RNF43: variants seen among roughly 807,000 people sequenced by gnomAD.
The protein encoded by RNF43 is ring finger protein 43.
A neutral mutation model predicts 78.4 loss-of-function variants in RNF43; 37 were observed. The ratio of observed to expected loss-of-function variants is 0.47; its 90% CI spans 0.36 to 0.62. The LOEUF (loss-of-function observed/expected upper bound fraction) is 0.62. RNF43 is among the 20% of genes least tolerant of loss of function. RNF43 has a pLI of 0.00. For missense variants in RNF43, 774 were observed against 1,007.9 expected, an observed-to-expected ratio of 0.77 and a Z score of 3.14; for synonymous variants, 347 against 395.0, an observed-to-expected ratio of 0.88 and a Z score of 1.44.
intron 2 of RNF43, among the ~76,000 whole-genome samples, chr17:58,399,043 G>A (rs964231205): frequency 6.6e-6 from 1 of 152,182 alleles, no homozygotes; most frequent in African/African-American, 2.4e-5. Flanking sequence ...CTCCCACTGT[G>A]TTGTACTGGT....
rs910890970 is a variant in RNF43, at chr17:58,391,541, C to G, written c.253-20508G>C. 1.3e-5 allele frequency among the ~76,000 whole-genome samples: 2 copies of G among 152,206 alleles called. 1 individual carries two copies. Among genetic ancestry groups the G allele is most frequent in the South Asian group, 4.1e-4 (2 of 4,824 alleles). ...CCAGTCACCACAGTGGGGGCCAACG[C>G]TGGACGCCCTGGCTTCTGAGCAAGA... On this transcript the variant is annotated intron_variant, in intron 2 of 9. Coordinates refer to ENST00000407977, the MANE Select transcript of RNF43 (RefSeq NM_017763.6).
Position 58,415,680 on chromosome 17 carries a change from A to G in RNF43, c.-103T>C, listed in dbSNP as rs1372923313. 2 of 1,364,154 alleles carry G rather than the reference A, an allele frequency of 1.5e-6. No individual in the cohort carries two copies. Among genetic ancestry groups the G allele is most frequent in the Non-Finnish European group, 2.0e-6 (2 of 1,007,086 alleles). 84.5% of individuals were successfully genotyped at this position (1,364,154 alleles called of 1,614,324 possible). A position where few individuals can be genotyped will look rare whatever the true frequency, so the allele number is the denominator to read the frequency against. On this transcript the variant is annotated 5_prime_UTR_variant, in exon 2 of 10. Transcript: ENST00000407977. ...AGACAAATGGAGGAAAAGAACATTT[A>G]TGCTTCCGTTTCAGAAAGCCAAGTC... is the stretch of plus-strand genomic sequence containing the variant.
At position 58,360,753 on chromosome 17, in the gene RNF43, C is replaced by A. The variant is rs1972817986; in HGVS notation, c.849+30G>T. On this transcript the variant is annotated intron_variant, in intron 7 of 9. Transcript: ENST00000407977. The surrounding 1 kb of genome is among the most constrained non-coding windows in gnomAD (Gnocchi z 4.3). ...CCAGCTTCAATCTCCCCAGTCTGGT[C>A]ATGGAGGTGAACCACAAGACCTGCC... The A allele has an allele frequency of 1.3e-6, 2 of 1,589,244 alleles. No homozygotes were observed. The highest frequency in any genetic ancestry group is 2.3e-5 in the South Asian group (2 of 87,062).
chr17:58,355,049 C>A, intron 9 of RNF43, 63 bp from the exon 10 acceptor site: 1 of 1,409,418 alleles, frequency 7.1e-7, no homozygotes, highest in Non-Finnish European at 1.0e-6. Context: ...CTGCTTCTCT[C>A]GCCTGCAGCA....
At chr17:58,381,657 CATCCTCTGAAT>C (rs1243818485) in intron 2 of RNF43, among the ~76,000 whole-genome samples, 1 of 152,174 alleles carries the variant, frequency 6.6e-6, no homozygotes, top group Non-Finnish European at 1.5e-5. Context: ...CTGGTATTTC[CATCCTCTGAAT>C]ATTTTAGAAA....
At position 58,357,747 on chromosome 17, in the gene RNF43, C is replaced by T. The variant is rs1598125957; in HGVS notation, c.2029G>A (p.Ala677Thr). 2 of 1,612,544 alleles carry T rather than the reference C, an allele frequency of 1.2e-6. No homozygotes were observed. The highest frequency in any genetic ancestry group is 1.3e-5 in the African/African-American group (1 of 75,010). The change falls in exon 9 of 10, where the codon GCT becomes ACT. Residue 677 changes from alanine (A) to threonine (T), a missense_variant. By Grantham distance (58) the Ala-to-Thr change is moderately conservative. Coordinates refer to ENST00000407977, the MANE Select transcript of RNF43 (RefSeq NM_017763.6). This position sits in a 1 kb window ranked among gnomAD's most constrained non-coding sequence, Gnocchi z 4.5. ...SRPQDATVHP[A>T]CQIFPHYTPS... ...GTGTAATGGGGAAAAATCTGGCAAGCTGGGTGCACAGTTGCATCCTGGGGC... is the reference window on the plus strand; with the variant it reads ...GTGTAATGGGGAAAAATCTGGCAAGTTGGGTGCACAGTTGCATCCTGGGGC...
chr17:58,358,077 T>G lies in RNF43; in HGVS notation c.1699A>C (p.Arg567=). The change falls in exon 9 of 10, where the codon AGG becomes CGG. Residue 567 remains arginine (R), a synonymous_variant. Coordinates refer to ENST00000407977, the MANE Select transcript of RNF43 (RefSeq NM_017763.6). This position sits in a 1 kb window ranked among gnomAD's most constrained non-coding sequence, Gnocchi z 6.2. ...ACTCCGGTTTCTGGGCCAGGCTTCC[T>G]GCCATGCCACTGGAACCGCTTTTTG... The part of the protein sequence containing the change: ...HYKKRFQWHG[R]KPGPETGVPQ... 1 of 1,601,662 alleles carries G rather than the reference T, an allele frequency of 6.2e-7. No individual in the cohort carries two copies. The highest frequency in any genetic ancestry group is 8.5e-7 in the Non-Finnish European group (1 of 1,173,788).
intron 2 of RNF43, among the ~76,000 whole-genome samples, chr17:58,392,092 G>A (rs1973572617): frequency 6.6e-6 from 1 of 152,198 alleles, no homozygotes; most frequent in Admixed American, 6.5e-5. Context: ...TTATTATGGG[G>A]CAGTTATCAG....
chr17:58,400,205 A>T (rs1406466449), intron 2 of RNF43, among the ~76,000 whole-genome samples: 1 of 152,210 alleles, frequency 6.6e-6, no homozygotes, highest in Non-Finnish European at 1.5e-5. Context: ...CAGAACTCAC[A>T]TACTATTAGT....
Position 58,355,001 on chromosome 17 carries a change from C to G in RNF43, c.2309-15G>C, listed in dbSNP as rs2158460. The G allele has an allele frequency of 0.17, 269,923 of 1,609,502 alleles. 23,599 individuals are homozygous for G. Among genetic ancestry groups the G allele is most frequent in the East Asian group, 0.21 (9,568 of 44,848 alleles). ...CTCCTCTGAGCCTGTATTTAGAGAGCGGGGAGGAAAGAGGTCATTGAGGGT... is the reference window on the plus strand; with the variant it reads ...CTCCTCTGAGCCTGTATTTAGAGAGGGGGGAGGAAAGAGGTCATTGAGGGT... On this transcript the variant is annotated splice_polypyrimidine_tract_variant and intron_variant, in intron 9 of 9. Coordinates refer to ENST00000407977, the MANE Select transcript of RNF43 (RefSeq NM_017763.6).
At position 58,358,584 on chromosome 17, in the gene RNF43, C is replaced by T. The variant is rs760806622; in HGVS notation, c.1192G>A (p.Ala398Thr). 4.4e-6 allele frequency: 7 copies of T among 1,594,128 alleles called. No individual in the cohort carries two copies. In the South Asian group the frequency reaches 8.0e-5, roughly 18 times the overall value. ...GCCAGGCGCTGCTGCTCTCCTGGAG[C>T]CCGGGGATGTGCAGCTCTGGGGAAG... ...HRFPRAAHPR[A>T]PGEQQRLAGA... Residue 398 changes from alanine to threonine, a missense_variant, in exon 9 of 10, where the codon GCT (alanine) becomes ACT (threonine). Physicochemically the swap from Ala to Thr is moderately conservative, Grantham distance 58. Transcript: ENST00000407977. This position sits in a 1 kb window ranked among gnomAD's most constrained non-coding sequence, Gnocchi z 6.2.
At chr17:58,399,158 G>A (rs1200463557) in intron 2 of RNF43, among the ~76,000 whole-genome samples, 2 of 152,118 alleles carry the variant, frequency 1.3e-5, no homozygotes, top group Non-Finnish European at 2.9e-5. Context: ...TCATAACAGG[G>A]AACAGGTAAG....
At chr17:58,414,938 C>A (rs1974093734) in intron 2 of RNF43, among the ~76,000 whole-genome samples, 1 of 152,142 alleles carries the variant, frequency 6.6e-6, no homozygotes, top group South Asian at 2.1e-4. Context: ...TTAAAATCAA[C>A]CTTCTTAGTG....
intron 2 of RNF43, among the ~76,000 whole-genome samples, chr17:58,380,548 C>G (rs2143559003): frequency 6.6e-6 from 1 of 152,278 alleles, no homozygotes; most frequent in Admixed American, 6.5e-5. Flanking sequence ...ATCTGAAAAC[C>G]TACTAGAATC....
intron 3 of RNF43, among the ~76,000 whole-genome samples, chr17:58,364,630 A>G (rs182314297): frequency 5.9e-5 from 9 of 152,282 alleles, no homozygotes; most frequent in Admixed American, 2.0e-4. Context: ...CTTCCTCCCT[A>G]GGGCAAAGGT....
intron 2 of RNF43, among the ~76,000 whole-genome samples, chr17:58,389,975 C>T (rs1471524341): frequency 2.0e-5 from 3 of 152,166 alleles, no homozygotes; most frequent in Admixed American, 6.6e-5. Flanking sequence ...AAGTATTACT[C>T]GTCTTAGATG....
chr17:58,358,738 G>A lies in RNF43; in HGVS notation c.1038C>T (p.Pro346=), dbSNP rs1972764369. Residue 346 remains proline, a synonymous_variant, in exon 9 of 10, where the codon CCC becomes CCT. Coordinates refer to ENST00000407977, the MANE Select transcript of RNF43 (RefSeq NM_017763.6). The surrounding 1 kb of genome is among the most constrained non-coding windows in gnomAD (Gnocchi z 6.2). The part of the protein sequence containing the change: ...GRRLHLIRQH[P]GHAHYHLPAA... ...CAGGGAGGTGGTAGTGGGCATGGCC[G>A]GGATGCTGGCGAATGAGGTGGAGTC... 13 of 1,560,688 alleles carry A rather than the reference G, an allele frequency of 8.3e-6. No homozygotes were observed. The highest frequency in any genetic ancestry group is 1.4e-5 in the African/African-American group (1 of 73,514).
chr17:58,372,169 T>C (rs1201123837), intron 2 of RNF43, among the ~76,000 whole-genome samples: 1 of 152,200 alleles, frequency 6.6e-6, no homozygotes, highest in Non-Finnish European at 1.5e-5. Flanking sequence ...TTTATAAAGA[T>C]GTTTATGAAG....
chr17:58,354,065 G>C lies in RNF43; in HGVS notation c.*878C>G, dbSNP rs1271196553. ...AAGGGTCACACTTTGCTTTTCCTTT[G>C]TTGTCCCCATTTTCCATCCTTGCTC... is the stretch of plus-strand genomic sequence containing the variant. On this transcript the variant is annotated 3_prime_UTR_variant, in exon 10 of 10. Transcript: ENST00000407977. 1 of 193,952 alleles carries C rather than the reference G, an allele frequency of 5.2e-6. No individual in the cohort carries two copies. The highest frequency in any genetic ancestry group is 2.3e-5 in the African/African-American group (1 of 43,096). 12.0% of individuals were successfully genotyped at this position (193,952 alleles called of 1,614,324 possible). A position where few individuals can be genotyped will look rare whatever the true frequency, so the allele number is the denominator to read the frequency against.
Sources: gnomAD v4.1 joint callset for allele counts (sites outside exome capture counted in the v4.1 genomes callset) on GRCh38, gnomAD v4.1.1 for gene constraint, Gnocchi (gnomAD v3.1) non-coding constraint, MANE v1.5 for transcripts, NCBI Gene and HGNC (gene_info 2026-07-23, HGNC 2026-07-21) for gene names.